The following TAFAZZIN variants were observed in gnomAD, a reference collection of about 807,000 sequenced individuals.
The protein encoded by TAFAZZIN is tafazzin, phospholipid-lysophospholipid transacylase, also known as protein G4.5.
Under a neutral mutation model 27.3 loss-of-function variants are expected in TAFAZZIN, and 6 were observed. The observed-to-expected ratio is 0.22, with a 90% CI of 0.12 to 0.43. The LOEUF is 0.43. Among genes scored for constraint, TAFAZZIN ranks in the 20% least tolerant of loss-of-function variants. TAFAZZIN has a pLI of 1.00. For synonymous variants in TAFAZZIN, 79 were observed against 96.2 expected (o/e 0.82, Z 1.04); for missense variants, 127 against 244.5 (o/e 0.52, Z 3.21).
Position 154,421,622 on chromosome X carries a change from ACTT to A in TAFAZZIN, c.*621_*623del, listed in dbSNP as rs1367055750. On this transcript the variant is annotated 3_prime_UTR_variant, in exon 11 of 11. Transcript: ENST00000601016. The stretch of plus-strand genomic sequence containing the variant: ...GCTTGCCCCCATGCTGGCGCCAACA[ACTT>A]CTCCATCCTTTCTGCCTCTCAACAT... 3.0e-6 allele frequency: 1 copy of A among 329,053 alleles called. No homozygotes were observed. The highest frequency in any genetic ancestry group is 5.9e-6 in the Non-Finnish European group (1 of 169,936). The allele number at this position is 329,053 out of a possible 1,213,427, so 27.1% of individuals were successfully genotyped here. A position where few individuals can be genotyped will look rare whatever the true frequency, so the allele number is the denominator to read the frequency against.
intron 10 of TAFAZZIN, 81 bp from the exon 11 acceptor site, chrX:154,420,822 T>TCACCCTCCCAGGG (rs782249471): frequency 2.5e-6 from 3 of 1,184,460 alleles, no homozygotes; most frequent in South Asian, 1.8e-5. Context: ...CTCCATCCCG[T>TCACCCTCCCAGGG]CACCCTCCCA....
At chrX:154,416,024 C>T (rs911887999) in intron 5 of TAFAZZIN, among the ~76,000 whole-genome samples, 24 of 108,822 alleles carry the variant, frequency 2.2e-4, no homozygotes, top group Non-Finnish European at 4.2e-4. Flanking sequence ...TTTGCGAGGC[C>T]GAGGCGGGTG....
intron 5 of TAFAZZIN, among the ~76,000 whole-genome samples, chrX:154,417,154 A>C (rs1018786932): frequency 9.0e-6 from 1 of 111,378 alleles, no homozygotes; most frequent in East Asian, 2.8e-4. Context: ...AAAAACAAAA[A>C]ATTATCAGGA....
Position 154,420,930 on chromosome X carries a change from T to G in TAFAZZIN, c.805T>G (p.Phe269Val). ...AVEMRKALTD[F>V]IQEEFQHLKT... ...GGAGATGCGGAAAGCCCTGACGGAC[T>G]TCATTCAAGAGGAATTCCAGCATCT... The change falls in exon 11 of 11, where the codon TTC becomes GTC. Residue 269 changes from phenylalanine (F) to valine (V), a missense_variant. This residue lies in a region of TAFAZZIN where 31 missense variants were observed against 39.6 expected (regional missense o/e 0.78). Transcript: ENST00000601016. 1 of 1,211,379 alleles carries G rather than the reference T, an allele frequency of 8.3e-7. No homozygotes were observed. Among genetic ancestry groups the G allele is most frequent in the East Asian group, 3.0e-5 (1 of 33,823 alleles).
intron 2 of TAFAZZIN, 51 bp downstream of exon 2, chrX:154,412,265 C>T: frequency 3.4e-6 from 4 of 1,166,915 alleles, no homozygotes; most frequent in Non-Finnish European, 4.6e-6. Flanking sequence ...GGATTCGGGA[C>T]GGGCCCAGCC....
Position 154,412,142 on chromosome X carries a change from A to G in TAFAZZIN, c.166A>G (p.Lys56Glu), listed in dbSNP as rs2068328473. 1 of 1,206,224 alleles carries G rather than the reference A, an allele frequency of 8.3e-7. No homozygotes were observed. Reference protein sequence around the residue: ...NREVLYELIEKRGPATPLITV... With the variant: ...NREVLYELIEERGPATPLITV... ...GGAGGTGCTGTACGAGCTCATCGAGAAGCGAGGCCCGGCCACGCCCCTCAT... is the reference window on the plus strand; with the variant it reads ...GGAGGTGCTGTACGAGCTCATCGAGGAGCGAGGCCCGGCCACGCCCCTCAT... The change falls in exon 2 of 11, where the codon AAG becomes GAG. Residue 56 changes from lysine (K) to glutamate (E), a missense_variant. Transcript: ENST00000601016.
chrX:154,413,198 G>A lies in TAFAZZIN; in HGVS notation c.239-9G>A. On this transcript the variant is annotated splice_polypyrimidine_tract_variant and intron_variant, in intron 2 of 10. Coordinates refer to ENST00000601016, the MANE Select transcript of TAFAZZIN (RefSeq NM_000116.5). ...GAAGTTGGGGCATGAAGCCTTTCCT[G>A]TCCTCTAGGGATCCTGAAACTCCGC... The A allele has an allele frequency of 8.3e-7, 1 of 1,212,037 alleles. No individual in the cohort carries two copies. Among genetic ancestry groups the A allele is most frequent in the Non-Finnish European group, 1.1e-6 (1 of 895,511 alleles).
At chrX:154,416,723 G>A (rs1380588784) in intron 5 of TAFAZZIN, among the ~76,000 whole-genome samples, 2 of 111,752 alleles carry the variant, frequency 1.8e-5, no homozygotes, top group East Asian at 2.8e-4. Context: ...AAAGCAGTGC[G>A]GGGGCTGGGA....
chrX:154,421,372 C>T lies in TAFAZZIN; in HGVS notation c.*368C>T, dbSNP rs782595809. 1.1e-4 allele frequency: 41 copies of T among 364,266 alleles called. No homozygotes were observed. The highest frequency in any genetic ancestry group is 9.3e-4 in the South Asian group (36 of 38,705). 30.0% of individuals were successfully genotyped at this position (364,266 alleles called of 1,213,427 possible). A position where few individuals can be genotyped will look rare whatever the true frequency, so the allele number is the denominator to read the frequency against. On this transcript the variant is annotated 3_prime_UTR_variant, in exon 11 of 11. Coordinates refer to ENST00000601016, the MANE Select transcript of TAFAZZIN (RefSeq NM_000116.5). ...GTGGAGAGGGGACCCTAAGACTCCT[C>T]GGCCTGGCTCCTACCCACCGCCCTT...
intron 5 of TAFAZZIN, among the ~76,000 whole-genome samples, chrX:154,415,485 T>C (rs1176340259): frequency 1.8e-5 from 2 of 110,800 alleles, no homozygotes; most frequent in African/African-American, 6.6e-5. Flanking sequence ...GATAGATAGA[T>C]AGGTAGGTGG....
chrX:154,421,130 C>T lies in TAFAZZIN; in HGVS notation c.*126C>T, dbSNP rs1304564954. 10 of 625,314 alleles carry T rather than the reference C, an allele frequency of 1.6e-5. No individual in the cohort carries two copies. Among genetic ancestry groups the T allele is most frequent in the South Asian group, 4.7e-5 (2 of 42,156 alleles). 51.5% of individuals were successfully genotyped at this position (625,314 alleles called of 1,213,427 possible). A position where few individuals can be genotyped will look rare whatever the true frequency, so the allele number is the denominator to read the frequency against. On this transcript the variant is annotated 3_prime_UTR_variant, in exon 11 of 11. Transcript: ENST00000601016. ...CATAGACCCTCTCAAGTGCCCTCTC[C>T]GAGCTGGTAGGCATTCCAGCTCCTC...
chrX:154,413,305 G>A, intron 3 of TAFAZZIN, 53 bp downstream of exon 3: 2 of 1,208,666 alleles, frequency 1.7e-6, no homozygotes, highest in Non-Finnish European at 2.2e-6. Context: ...ACCTGCCTCT[G>A]CCCAGATTTG....
chrX:154,414,084 T>C lies in TAFAZZIN; in HGVS notation c.371-17T>C, dbSNP rs1557191991. The stretch of plus-strand genomic sequence containing the variant: ...GCAAAGCCAGGATTTGAATCCAGAT[T>C]GCTCCTTCCTCTGCAGGAGCAGAAT... On this transcript the variant is annotated splice_polypyrimidine_tract_variant and intron_variant, in intron 4 of 10. Transcript: ENST00000601016. The C allele has an allele frequency of 8.9e-7, 1 of 1,126,849 alleles. No individual in the cohort carries two copies. The highest frequency in any genetic ancestry group is 2.2e-5 in the Admixed American group (1 of 45,745). The allele number at this position is 1,126,849 out of a possible 1,213,427, so 92.9% of individuals were successfully genotyped here.
intron 8 of TAFAZZIN, 53 bp from the exon 9 acceptor site, chrX:154,420,159 C>A (rs782534546): frequency 1.2e-5 from 14 of 1,209,577 alleles, no homozygotes; most frequent in African/African-American, 1.7e-5. Context: ...TCCCTCTGGT[C>A]CCAGGCTGCC....
chrX:154,413,562 G>A lies in TAFAZZIN; in HGVS notation c.365G>A (p.Cys122Tyr). Residue 122 changes from cysteine (C) to tyrosine (Y), a missense_variant, in exon 4 of 11, where the codon TGC (cysteine) becomes TAC (tyrosine). Coordinates refer to ENST00000601016, the MANE Select transcript of TAFAZZIN (RefSeq NM_000116.5). ...AGCTTGGGCAAGTGTGTGCCTGTGT[G>A]CCGAGGTGAGCTGCTCCTCCAGCGA... ...FFSLGKCVPV[C>Y]RGAEFFQAEN... 8.3e-7 allele frequency: 1 copy of A among 1,211,746 alleles called. No homozygotes were observed. Among genetic ancestry groups the A allele is most frequent in the Non-Finnish European group, 1.1e-6 (1 of 895,237 alleles).
At chrX:154,413,969 A>C in intron 4 of TAFAZZIN, 132 bp from the exon 5 acceptor site, 1 of 525,849 alleles carries the variant, frequency 1.9e-6, no homozygotes. Context: ...TGAGAACCCC[A>C]GGGGATAGGG....
chrX:154,419,200 G>T (rs782697477), intron 5 of TAFAZZIN: 2 of 312,596 alleles, frequency 6.4e-6, no homozygotes, highest in South Asian at 4.2e-5. Context: ...TGGAGGAATT[G>T]CCAGGTCAGA....
chrX:154,413,603 T>C (rs1393619180), intron 4 of TAFAZZIN, 36 bp downstream of exon 4: 1 of 1,190,427 alleles, frequency 8.4e-7, no homozygotes, highest in African/African-American at 1.8e-5. Context: ...GGGAGGCACT[T>C]CTGGGGCAGG....
chrX:154,421,455 T>A lies in TAFAZZIN; in HGVS notation c.*451T>A, dbSNP rs1470605914. ...GGATGGCCGTTGGCCACGTCTTCCT[T>A]CTGCCTGAGCTTCCCCCCCACCACA... On this transcript the variant is annotated 3_prime_UTR_variant, in exon 11 of 11. Transcript: ENST00000601016. The A allele has an allele frequency of 6.0e-6, 2 of 332,255 alleles. No homozygotes were observed. Among genetic ancestry groups the A allele is most frequent in the Admixed American group, 6.2e-5 (2 of 32,227 alleles). 27.4% of individuals were successfully genotyped at this position (332,255 alleles called of 1,213,427 possible).
Sources: allele counts gnomAD v4.1 joint callset (sites outside exome capture counted in the v4.1 genomes callset), GRCh38; gene constraint gnomAD v4.1.1; regional missense constraint gnomAD v4.1.1; transcripts MANE v1.5; gene names NCBI Gene and HGNC (gene_info 2026-07-23, HGNC 2026-07-21).